KDM2B: variants seen among roughly 807,000 people sequenced by gnomAD.
The protein encoded by KDM2B is lysine demethylase 2B.
In KDM2B, 26 loss-of-function variants were observed where a neutral mutation model predicts 150.0. The observed-to-expected ratio is 0.17, with a 90% confidence interval of 0.13 to 0.24. The LOEUF (loss-of-function observed/expected upper bound fraction) is 0.24, where lower values mean the gene tolerates loss of function less well. Among genes scored for constraint, KDM2B ranks in the 10% least tolerant of loss-of-function variants. The pLI, the probability that KDM2B is intolerant of heterozygous loss-of-function variation, is 1.00. For missense variants in KDM2B, 1,265 were observed against 1,816.9 expected (o/e 0.70, Z 5.52); for synonymous variants, 734 against 729.5 (o/e 1.01, Z -0.10).
chr12:121,471,412 C>T (rs1027574665), intron 12 of KDM2B, among the ~76,000 whole-genome samples: 3 of 152,210 alleles, frequency 2.0e-5, no homozygotes, highest in Admixed American at 2.0e-4. Context: ...TCTGCTTTCT[C>T]TCTGGGTGTC....
Position 121,441,099 on chromosome 12 carries a change from T to G in KDM2B, c.3419A>C (p.Gln1140Pro). ...CAGCCGGTTGATGAGCCAGCTCAGC[T>G]GCTTCTTGGAGATATTGGTCCAGCT... is the stretch of plus-strand genomic sequence containing the variant. ...DLSWTNISKK[Q>P]LSWLINRLPG... Residue 1140 changes from glutamine (Q) to proline (P), a missense_variant, in exon 20 of 23, where the codon CAG becomes CCG. Coordinates refer to ENST00000377071, the MANE Select transcript of KDM2B (RefSeq NM_032590.5). The G allele has an allele frequency of 6.2e-7, 1 of 1,614,198 alleles. No individual in the cohort carries two copies. The highest frequency in any genetic ancestry group is 8.5e-7 in the Non-Finnish European group (1 of 1,180,028).
chr12:121,547,965 CAG>C (rs1191579302), intron 6 of KDM2B, among the ~76,000 whole-genome samples: 1 of 152,076 alleles, frequency 6.6e-6, no homozygotes, highest in Non-Finnish European at 1.5e-5. Context: ...GAGTTGGAAA[CAG>C]AGCTGGAAGC....
Position 121,549,861 on chromosome 12 carries a change from A to G in KDM2B, c.398-223T>C, listed in dbSNP as rs1052716620. ...ACCATGGCCTCCACGCCAGTCTGCG[A>G]TGACCTCAAAAGCTACCTAAAGGGG... is the stretch of plus-strand genomic sequence containing the variant. On this transcript the variant is annotated intron_variant, in intron 4 of 22. Transcript: ENST00000377071. The surrounding 1 kb of genome is among the most constrained non-coding windows in gnomAD (Gnocchi z 4.4). Among the ~76,000 whole-genome samples the G allele has an allele frequency of 3.4e-5, 5 of 146,846 alleles. No individual in the cohort carries two copies. Among genetic ancestry groups the G allele is most frequent in the Admixed American group, 1.3e-4 (2 of 14,882 alleles).
chr12:121,426,885 A>G (rs1872537200), downstream of KDM2B, among the ~76,000 whole-genome samples: 1 of 152,136 alleles, frequency 6.6e-6, no homozygotes, highest in South Asian at 2.1e-4. Context: ...CGGCCTCTCA[A>G]AGTGCTGGGG....
intron 4 of KDM2B, among the ~76,000 whole-genome samples, chr12:121,558,079 C>A (rs947386912): frequency 6.6e-6 from 1 of 152,198 alleles, no homozygotes. Context: ...TTACTTGTTT[C>A]TTGTCTTTCC....
intron 12 of KDM2B, among the ~76,000 whole-genome samples, chr12:121,460,655 G>A (rs868909898): frequency 3.9e-5 from 6 of 152,090 alleles, no homozygotes; most frequent in East Asian, 1.9e-4. Context: ...TGACCCGACC[G>A]ACTTGGCCTC....
intron 22 of KDM2B, among the ~76,000 whole-genome samples, chr12:121,438,208 C>T (rs765705504): frequency 6.7e-6 from 1 of 149,418 alleles, no homozygotes; most frequent in Non-Finnish European, 1.5e-5. Context: ...GAGCCGAGAT[C>T]GCACCACTGC....
intron 12 of KDM2B, among the ~76,000 whole-genome samples, chr12:121,480,702 C>A (rs1555297701): frequency 6.6e-6 from 1 of 150,888 alleles, no homozygotes; most frequent in African/African-American, 2.4e-5. Context: ...GCCCAGGAGA[C>A]AGGGTTGCAG....
In KDM2B at chr12:121,513,222, G is replaced by T; in HGVS notation, c.1174+54C>A. On this transcript the variant is annotated intron_variant, in intron 10 of 22. Transcript: ENST00000377071. This position sits in a 1 kb window ranked among gnomAD's most constrained non-coding sequence, Gnocchi z 5.0. ...TGTCTCCAGGCCCCACTGAGAAAAT[G>T]ATTTCTGCCCCAGCTGTGCAGCCGA... The T allele has an allele frequency of 6.3e-7, 1 of 1,593,750 alleles. No individual in the cohort carries two copies. Among genetic ancestry groups the T allele is most frequent in the Non-Finnish European group, 8.6e-7 (1 of 1,164,450 alleles).
At chr12:121,425,871 A>G (rs1253595720), downstream of KDM2B, among the ~76,000 whole-genome samples, 3 of 150,778 alleles carry the variant, frequency 2.0e-5, no homozygotes, top group Non-Finnish European at 4.4e-5. Flanking sequence ...GGTTCATGCC[A>G]TTCTCCTGCC....
At chr12:121,580,033 G>C in intron 1 of KDM2B, 2 of 1,476,546 alleles carry the variant, frequency 1.4e-6, no homozygotes, top group Non-Finnish European at 1.8e-6. Flanking sequence ...TCTTCTTCCA[G>C]AGTCTTTCTC....
intron 12 of KDM2B, chr12:121,469,362 T>A (rs1452487820): frequency 8.0e-6 from 1 of 124,424 alleles, no homozygotes; most frequent in Non-Finnish European, 1.6e-5. Context: ...ACGCCTGTAA[T>A]CCCAGCACTT....
At chr12:121,494,777 G>A (rs1436157960) in intron 11 of KDM2B, 112 bp from the exon 12 acceptor site, 28 of 719,320 alleles carry the variant, frequency 3.9e-5, no homozygotes, top group Non-Finnish European at 5.3e-5. Context: ...GTCAGCGCCT[G>A]GCCATTGACT....
intron 6 of KDM2B, among the ~76,000 whole-genome samples, chr12:121,535,805 C>T (rs1555308631): frequency 6.6e-6 from 1 of 152,144 alleles, no homozygotes; most frequent in African/African-American, 2.4e-5. Flanking sequence ...CCCTCAACTG[C>T]TGCCCTCTTA....
intron 4 of KDM2B, among the ~76,000 whole-genome samples, chr12:121,554,350 T>G (rs1206052488): frequency 6.6e-6 from 1 of 152,012 alleles, no homozygotes; most frequent in Admixed American, 6.6e-5. Flanking sequence ...AATCTGGGAG[T>G]GTTTCCAAAT....
rs376929834 is a variant in KDM2B at position 121,553,086 on chromosome 12, G to A, written c.398-3448C>T. ...AGAATACTAAAAATACAAAAAATCC[G>A]CCGGGTGTGGTGGCGGGCGCCTGTA... On this transcript the variant is annotated intron_variant, in intron 4 of 22. Coordinates refer to ENST00000377071, the MANE Select transcript of KDM2B (RefSeq NM_032590.5). Among the ~76,000 whole-genome samples, 58 of 152,052 alleles carry A rather than the reference G, an allele frequency of 3.8e-4. No homozygotes were observed. In the East Asian group the frequency reaches 7.0e-3, roughly 18 times the overall value.
In KDM2B at chr12:121,442,480, G is replaced by C. The variant is rs369688272; in HGVS notation, c.2961C>G (p.Pro987=). 3 of 1,599,498 alleles carry C rather than the reference G, an allele frequency of 1.9e-6. No homozygotes were observed. The highest frequency in any genetic ancestry group is 2.7e-5 in the African/African-American group (2 of 74,922). Reference sequence around the variant, plus strand: ...GGTGGGGACGCTCGCAGATGCCCGGGGGCCGCTTGGGCTCCTCGCCCTCGC... The same window carrying C: ...GGTGGGGACGCTCGCAGATGCCCGGCGGCCGCTTGGGCTCCTCGCCCTCGC... ...PESEGEEPKR[P]PGICERPHRF... The change falls in exon 19 of 23, where the codon CCC becomes CCG. Residue 987 remains proline (P), a synonymous_variant. Transcript: ENST00000377071. This position sits in a 1 kb window ranked among gnomAD's most constrained non-coding sequence, Gnocchi z 7.7.
intron 12 of KDM2B, among the ~76,000 whole-genome samples, chr12:121,465,481 G>A (rs1879760761): frequency 6.6e-6 from 1 of 152,130 alleles, no homozygotes; most frequent in Admixed American, 6.5e-5. Flanking sequence ...TGATCCACCC[G>A]CGTTGGCCTC....
chr12:121,527,679 TG>T (rs1294105780), intron 8 of KDM2B, among the ~76,000 whole-genome samples: 2 of 126,950 alleles, frequency 1.6e-5, no homozygotes, highest in Middle Eastern at 4.2e-3. Flanking sequence ...AAAAAAAAAG[TG>T]GGGAATATTA....
Sources: gnomAD v4.1 joint callset for allele counts (sites outside exome capture counted in the v4.1 genomes callset) on GRCh38, gnomAD v4.1.1 for gene constraint, Gnocchi (gnomAD v3.1) non-coding constraint, MANE v1.5 for transcripts, NCBI Gene and HGNC (gene_info 2026-07-23, HGNC 2026-07-21) for gene names.